RAB38: variants seen among roughly 807,000 people sequenced by gnomAD.
The protein encoded by RAB38 is RAB38, member RAS oncogene family, also known as ras-related protein Rab-38.
RAB38 carries 15 observed loss-of-function variants against 18.4 expected under a neutral mutation model. The ratio of observed to expected loss-of-function variants is 0.82; its 90% CI spans 0.55 to 1.26. RAB38 has a LOEUF of 1.26. Among genes scored for constraint, RAB38 ranks in the 50% most tolerant of loss-of-function variants. RAB38 has a pLI of 0.00. For synonymous variants in RAB38, 101 were observed against 104.4 expected (o/e 0.97, Z 0.20); for missense variants, 294 against 267.4 (o/e 1.10, Z -0.69).
chr11:87,850,606 A>G, the RAB38 span, among the ~76,000 whole-genome samples: 2 of 151,936 alleles, frequency 1.3e-5, no homozygotes, highest in Admixed American at 1.3e-4. Context: ...GCTACTCAAT[A>G]TATTTTCGGC....
At chr11:87,909,766 T>C in the RAB38 span, among the ~76,000 whole-genome samples, 1 of 152,124 alleles carries the variant, frequency 6.6e-6, no homozygotes, top group African/African-American at 2.4e-5. Context: ...TTACCAATTG[T>C]TCCTTACTTT....
chr11:88,146,176 T>G (rs781153633), intron 2 of RAB38, among the ~76,000 whole-genome samples: 1 of 152,160 alleles, frequency 6.6e-6, no homozygotes, highest in African/African-American at 2.4e-5. Context: ...CTCCATAGGA[T>G]TGAAGAGCAA....
At chr11:88,156,290 A>G (rs1943124193) in intron 1 of RAB38, among the ~76,000 whole-genome samples, 1 of 152,230 alleles carries the variant, frequency 6.6e-6, no homozygotes, top group South Asian at 2.1e-4. Context: ...AAAATGTCAA[A>G]TTGCATAAAA....
At chr11:87,941,214 G>GAGAGATATATATATATAT in the RAB38 span, among the ~76,000 whole-genome samples, 1 of 62,538 alleles carries the variant, frequency 1.6e-5, no homozygotes, top group East Asian at 5.6e-4. Flanking sequence ...AAATATATGA[G>GAGAGATATATATATATAT]ATATATATAT....
chr11:87,977,775 ATAT>A, the RAB38 span, among the ~76,000 whole-genome samples: 7 of 113,702 alleles, frequency 6.2e-5, no homozygotes, highest in African/African-American at 1.0e-4. Context: ...TTATAGTTAT[ATAT>A]TATATCATAG....
chr11:88,062,441 C>A, the RAB38 span, among the ~76,000 whole-genome samples: 2 of 152,142 alleles, frequency 1.3e-5, no homozygotes, highest in African/African-American at 4.8e-5. Flanking sequence ...ATAAATTACC[C>A]AGTCTTGGGT....
At chr11:88,138,173 T>A (rs1473846497) in intron 2 of RAB38, among the ~76,000 whole-genome samples, 2 of 152,074 alleles carry the variant, frequency 1.3e-5, no homozygotes, top group Non-Finnish European at 2.9e-5. Context: ...AAAAAAAAAT[T>A]GCATAAGGAA....
the RAB38 span, among the ~76,000 whole-genome samples, chr11:87,805,509 T>C: frequency 2.0e-5 from 3 of 151,952 alleles, no homozygotes; most frequent in Non-Finnish European, 4.4e-5. Context: ...TAGCAGACAC[T>C]GGAGAAGATA....
At chr11:88,005,150 A>T in the RAB38 span, among the ~76,000 whole-genome samples, 1 of 151,460 alleles carries the variant, frequency 6.6e-6, no homozygotes, top group Admixed American at 6.6e-5. Flanking sequence ...TTCTATGGAA[A>T]ATCAAGAAAA....
chr11:88,174,834 G>C (rs1591182857), intron 1 of RAB38, among the ~76,000 whole-genome samples: 1 of 152,176 alleles, frequency 6.6e-6, no homozygotes, highest in African/African-American at 2.4e-5. Context: ...CGTGACACTG[G>C]GCTGCGTCAT....
At chr11:87,806,374 C>T in the RAB38 span, among the ~76,000 whole-genome samples, 2 of 152,148 alleles carry the variant, frequency 1.3e-5, no homozygotes, top group African/African-American at 4.8e-5. Context: ...CTTCTTACCA[C>T]ATCCTCATAC....
chr11:87,939,254 CAG>C, the RAB38 span, among the ~76,000 whole-genome samples: 1 of 151,882 alleles, frequency 6.6e-6, no homozygotes, highest in African/African-American at 2.4e-5. Flanking sequence ...GCTGTGAATC[CAG>C]AGTTATGGGT....
the RAB38 span, among the ~76,000 whole-genome samples, chr11:87,950,786 T>C: frequency 3.9e-5 from 6 of 152,206 alleles, no homozygotes; most frequent in Non-Finnish European, 8.8e-5. Context: ...CCTTTGTGGG[T>C]AACCCGACCT....
the RAB38 span, among the ~76,000 whole-genome samples, chr11:88,006,932 G>A: frequency 6.6e-6 from 1 of 151,466 alleles, no homozygotes; most frequent in African/African-American, 2.4e-5. Context: ...AGTTCTGTCA[G>A]TCTATTGCAT....
At chr11:88,023,562 T>C in the RAB38 span, among the ~76,000 whole-genome samples, 9 of 152,082 alleles carry the variant, frequency 5.9e-5, no homozygotes, top group African/African-American at 1.7e-4. Context: ...AAAATTTCTA[T>C]AGAATCACAA....
At chr11:87,910,031 T>C in the RAB38 span, among the ~76,000 whole-genome samples, 1 of 152,124 alleles carries the variant, frequency 6.6e-6, no homozygotes, top group African/African-American at 2.4e-5. Flanking sequence ...GCCAGTAATA[T>C]ATAAAAGTTT....
At chr11:88,095,850 A>C in the RAB38 span, among the ~76,000 whole-genome samples, 1 of 151,730 alleles carries the variant, frequency 6.6e-6, no homozygotes, top group African/African-American at 2.4e-5. Context: ...ATTGCCCTTA[A>C]TTCCTCTCAC....
chr11:88,135,352 T>C (rs1164516020), intron 2 of RAB38, among the ~76,000 whole-genome samples: 1 of 152,244 alleles, frequency 6.6e-6, no homozygotes, highest in Admixed American at 6.5e-5. Context: ...TTATCTATTT[T>C]GTCCACTGGT....
At chr11:88,160,857 T>C (rs1264770324) in intron 1 of RAB38, among the ~76,000 whole-genome samples, 1 of 151,694 alleles carries the variant, frequency 6.6e-6, no homozygotes, top group African/African-American at 2.4e-5. Flanking sequence ...GGGGCAAAGG[T>C]TGAAAAACTA....
Sources: gnomAD v4.1 joint callset for allele counts (sites outside exome capture counted in the v4.1 genomes callset) on GRCh38, gnomAD v4.1.1 for gene constraint, MANE v1.5 for transcripts, NCBI Gene and HGNC (gene_info 2026-07-23, HGNC 2026-07-21) for gene names.